Variants in CACNA2D3 observed in about 807,000 individuals in gnomAD.
CACNA2D3 encodes the protein voltage-dependent calcium channel subunit alpha-2/delta-3.
Under a neutral mutation model 160.6 loss-of-function variants are expected in CACNA2D3, and 60 were observed. The ratio of observed to expected loss-of-function variants is 0.37; its 90% CI spans 0.30 to 0.46. The LOEUF (loss-of-function observed/expected upper bound fraction) is 0.46. Ranked by LOEUF, CACNA2D3 falls within the 20% of genes least tolerant of loss-of-function variation. CACNA2D3 has a pLI of 1.00. For missense variants in CACNA2D3, 1,205 were observed against 1,365.0 expected (o/e 0.88, Z 1.85); for synonymous variants, 558 against 492.9 (o/e 1.13, Z -1.75).
intron 11 of CACNA2D3, among the ~76,000 whole-genome samples, chr3:54,694,216 AC>A (rs1700619969): frequency 6.6e-6 from 1 of 152,184 alleles, no homozygotes; most frequent in Admixed American, 6.5e-5. Flanking sequence ...ATAAATACTT[AC>A]CATTGTGTTA....
intron 11 of CACNA2D3, among the ~76,000 whole-genome samples, chr3:54,650,513 G>T (rs1167157002): frequency 6.6e-6 from 1 of 152,158 alleles, no homozygotes; most frequent in East Asian, 1.9e-4. Context: ...ACACGTGTGT[G>T]CCACCACACC....
At chr3:54,208,762 A>G (rs942517668) in intron 2 of CACNA2D3, among the ~76,000 whole-genome samples, 13 of 149,152 alleles carry the variant, frequency 8.7e-5, no homozygotes, top group African/African-American at 3.2e-4. Flanking sequence ...TTTTTCAATT[A>G]TCACAATGTA....
At chr3:54,658,051 T>C (rs2106875690) in intron 11 of CACNA2D3, among the ~76,000 whole-genome samples, 1 of 152,344 alleles carries the variant, frequency 6.6e-6, no homozygotes, top group Middle Eastern at 3.4e-3. Context: ...ATATTGTATG[T>C]GTACACTACA....
intron 2 of CACNA2D3, among the ~76,000 whole-genome samples, chr3:54,135,984 G>C (rs979908193): frequency 6.6e-6 from 1 of 152,242 alleles, no homozygotes; most frequent in Non-Finnish European, 1.5e-5. Flanking sequence ...TTGGACGACA[G>C]GGGGAGGCAG....
chr3:54,431,674 G>A (rs1034637465), intron 4 of CACNA2D3, among the ~76,000 whole-genome samples: 1 of 152,106 alleles, frequency 6.6e-6, no homozygotes, highest in South Asian at 2.1e-4. Context: ...GTGCAATGGC[G>A]TGATCTTGGC....
At chr3:55,053,301 T>C (rs905235676) in intron 35 of CACNA2D3, among the ~76,000 whole-genome samples, 2 of 151,988 alleles carry the variant, frequency 1.3e-5, no homozygotes, top group Non-Finnish European at 2.9e-5. Flanking sequence ...TTTAATTATT[T>C]TGAGATTCAC....
chr3:54,692,907 A>G (rs1700595490), intron 11 of CACNA2D3, among the ~76,000 whole-genome samples: 1 of 152,224 alleles, frequency 6.6e-6, no homozygotes, highest in Non-Finnish European at 1.5e-5. Context: ...GCCTGAAGAA[A>G]AAAAGCCATT....
At chr3:54,912,783 A>G (rs186591402) in intron 27 of CACNA2D3, among the ~76,000 whole-genome samples, 15 of 152,164 alleles carry the variant, frequency 9.9e-5, no homozygotes, top group Non-Finnish European at 1.5e-4. Flanking sequence ...CAGATATTTT[A>G]TATTTCTTGT....
At chr3:54,456,978 C>CT (rs1002786950) in intron 4 of CACNA2D3, among the ~76,000 whole-genome samples, 23 of 149,426 alleles carry the variant, frequency 1.5e-4, no homozygotes, top group Admixed American at 1.2e-3. Context: ...TTACTTGGGT[C>CT]TTTTTTTTTA....
chr3:54,485,491 A>C (rs1443995552), intron 4 of CACNA2D3, among the ~76,000 whole-genome samples: 1 of 152,120 alleles, frequency 6.6e-6, no homozygotes, highest in Admixed American at 6.5e-5. Context: ...AGTGTCATTT[A>C]CACTGATGAT....
chr3:54,525,378 T>G (rs556131551), intron 5 of CACNA2D3, among the ~76,000 whole-genome samples: 1 of 152,140 alleles, frequency 6.6e-6, no homozygotes, highest in African/African-American at 2.4e-5. Flanking sequence ...GGGCATTCAT[T>G]TTGTCTTTCA....
chr3:54,437,562 A>G (rs1188026809), intron 4 of CACNA2D3, among the ~76,000 whole-genome samples: 1 of 152,198 alleles, frequency 6.6e-6, no homozygotes, highest in African/African-American at 2.4e-5. Flanking sequence ...TTCCTGCATT[A>G]TGGTAGGCCT....
intron 13 of CACNA2D3, among the ~76,000 whole-genome samples, chr3:54,807,905 G>C (rs1436317855): frequency 6.7e-6 from 1 of 149,254 alleles, no homozygotes. Context: ...GTCCTTTGTA[G>C]GGACATGGAT....
intron 4 of CACNA2D3, among the ~76,000 whole-genome samples, chr3:54,460,337 T>A (rs1700479074): frequency 6.6e-6 from 1 of 152,214 alleles, no homozygotes; most frequent in Non-Finnish European, 1.5e-5. Context: ...TTGAAGGGGA[T>A]GGCATTGAAT....
chr3:54,624,340 A>T (rs887766143), intron 9 of CACNA2D3, among the ~76,000 whole-genome samples: 3 of 152,238 alleles, frequency 2.0e-5, no homozygotes, highest in Non-Finnish European at 4.4e-5. Context: ...AATGCTCTGT[A>T]GGCTGGGCCC....
At chr3:54,883,322 A>G (rs560374880) in intron 21 of CACNA2D3, among the ~76,000 whole-genome samples, 32 of 152,286 alleles carry the variant, frequency 2.1e-4, no homozygotes, top group African/African-American at 7.5e-4. Context: ...GCGCCTGGCC[A>G]CTTTGTATCT....
At chr3:54,710,348 A>G (rs1391705589) in intron 11 of CACNA2D3, among the ~76,000 whole-genome samples, 4 of 152,228 alleles carry the variant, frequency 2.6e-5, no homozygotes, top group Admixed American at 2.6e-4. Context: ...ACTTAACAAA[A>G]ATGAAGATTT....
At chr3:54,718,535 G>A (rs1157310325) in intron 11 of CACNA2D3, among the ~76,000 whole-genome samples, 1 of 151,402 alleles carries the variant, frequency 6.6e-6, no homozygotes, top group Non-Finnish European at 1.5e-5. Flanking sequence ...CTGATGTTAT[G>A]CTATTGGTCT....
intron 5 of CACNA2D3, among the ~76,000 whole-genome samples, chr3:54,556,586 A>G (rs1459694990): frequency 6.6e-6 from 1 of 152,202 alleles, no homozygotes; most frequent in Non-Finnish European, 1.5e-5. Context: ...CAGAAAGCTA[A>G]TTCAGTACCT....
Sources: allele counts gnomAD v4.1 joint callset (sites outside exome capture counted in the v4.1 genomes callset), GRCh38; gene constraint gnomAD v4.1.1; transcripts MANE v1.5; gene names NCBI Gene and HGNC (gene_info 2026-07-23, HGNC 2026-07-21).